Variants in RAB31 observed in about 807,000 individuals in gnomAD.
RAB31 encodes RAB31, member RAS oncogene family.
In RAB31, 21 loss-of-function variants were observed where a neutral mutation model predicts 25.6. That is an observed-to-expected ratio of 0.82 (90% confidence interval 0.58 to 1.18). The LOEUF (loss-of-function observed/expected upper bound fraction) is 1.18. Among genes scored for constraint, RAB31 ranks in the 50% most tolerant of loss-of-function variants. The pLI, the probability that RAB31 is intolerant of heterozygous loss-of-function variation, is 0.00. For missense variants in RAB31, 196 were observed against 250.1 expected (o/e 0.78, Z 1.46); for synonymous variants, 87 against 84.0 (o/e 1.04, Z -0.20).
At position 9,742,903 on chromosome 18, in the gene RAB31, T is replaced by TA. The variant is rs1196231581; in HGVS notation, c.40-32367dup. Among the ~76,000 whole-genome samples the TA allele has an allele frequency of 7.2e-5, 11 of 152,230 alleles. No individual in the cohort carries two copies. The South Asian group carries it at 1.9e-3, about 26-fold the overall frequency. On this transcript the variant is annotated intron_variant, in intron 1 of 6. Transcript: ENST00000578921. The stretch of plus-strand genomic sequence containing the variant: ...TTCTTCTTTTCCTTCTTCTTCTTTT[T>TA]AAAAAAAATCCAGTCCACTAAAGCA...
rs910983635 is a variant in RAB31, at chr18:9,845,710, G to A, written c.490+19G>A. On this transcript the variant is annotated intron_variant, in intron 6 of 6. Coordinates refer to ENST00000578921, the MANE Select transcript of RAB31 (RefSeq NM_006868.4). ...GGAATCAGTAAGTACCTGAAATTGG[G>A]TTTTCAGCCCAACTTGCATTTTTAT... The A allele has an allele frequency of 3.0e-5, 46 of 1,528,892 alleles. No homozygotes were observed. The highest frequency in any genetic ancestry group is 4.0e-5 in the Non-Finnish European group (46 of 1,139,530). 94.7% of individuals were successfully genotyped at this position (1,528,892 alleles called of 1,614,324 possible). A position where few individuals can be genotyped will look rare whatever the true frequency, so the allele number is the denominator to read the frequency against.
chr18:9,783,143 C>T (rs890036361), intron 2 of RAB31, among the ~76,000 whole-genome samples: 1 of 152,150 alleles, frequency 6.6e-6, no homozygotes, highest in Non-Finnish European at 1.5e-5. Context: ...CCTCACAGCT[C>T]ACTGTGAACC....
intron 1 of RAB31, among the ~76,000 whole-genome samples, chr18:9,762,803 C>T (rs1014225147): frequency 3.3e-5 from 5 of 152,018 alleles, no homozygotes; most frequent in Non-Finnish European, 7.4e-5. Flanking sequence ...GTGCGGGCTT[C>T]CTTAAGAGCT....
At chr18:9,836,388 T>A (rs1049840646) in intron 5 of RAB31, among the ~76,000 whole-genome samples, 1 of 151,728 alleles carries the variant, frequency 6.6e-6, no homozygotes, top group South Asian at 2.1e-4. Context: ...CTCTTCTTTT[T>A]ATTTTTATTT....
intron 1 of RAB31, among the ~76,000 whole-genome samples, chr18:9,768,027 T>C (rs1172779656): frequency 3.9e-5 from 6 of 152,192 alleles, no homozygotes; most frequent in African/African-American, 1.4e-4. Flanking sequence ...GCTTCATCCG[T>C]GTCCCTGCAA....
intron 3 of RAB31, among the ~76,000 whole-genome samples, chr18:9,812,488 A>G (rs1426320844): frequency 1.3e-5 from 2 of 152,216 alleles, no homozygotes; most frequent in East Asian, 3.8e-4. Flanking sequence ...AACACTGAAC[A>G]GCACAAATCT....
intron 2 of RAB31, among the ~76,000 whole-genome samples, chr18:9,788,140 G>C (rs1031745241): frequency 6.6e-6 from 1 of 152,100 alleles, no homozygotes; most frequent in Non-Finnish European, 1.5e-5. Context: ...CTTGAACTTT[G>C]AAATAAAAGG....
chr18:9,824,398 GTA>G (rs140040715), intron 5 of RAB31, among the ~76,000 whole-genome samples: 2 of 139,436 alleles, frequency 1.4e-5, no homozygotes, highest in African/African-American at 5.9e-5. Flanking sequence ...GTGTGTAGAT[GTA>G]TGTGTATATG....
At chr18:9,837,346 A>G (rs541220010) in intron 5 of RAB31, among the ~76,000 whole-genome samples, 1 of 152,382 alleles carries the variant, frequency 6.6e-6, no homozygotes, top group East Asian at 1.9e-4. Flanking sequence ...AAGGATTTAA[A>G]TGTAAAACAA....
At chr18:9,789,242 A>G (rs1352770810) in intron 2 of RAB31, among the ~76,000 whole-genome samples, 2 of 152,156 alleles carry the variant, frequency 1.3e-5, no homozygotes, top group Admixed American at 6.5e-5. Context: ...TGGGGGAGGG[A>G]AGGATAGGGA....
intron 1 of RAB31, among the ~76,000 whole-genome samples, chr18:9,713,416 C>T (rs978132129): frequency 1.3e-5 from 2 of 152,138 alleles, no homozygotes; most frequent in African/African-American, 4.8e-5. Context: ...GCATTGGTGA[C>T]TCTGGGTACG....
chr18:9,739,711 G>T (rs2145470946), intron 1 of RAB31, among the ~76,000 whole-genome samples: 1 of 152,296 alleles, frequency 6.6e-6, no homozygotes, highest in Admixed American at 6.5e-5. Flanking sequence ...CAGTCCTCCT[G>T]GTGGCTGGTT....
intron 1 of RAB31, among the ~76,000 whole-genome samples, chr18:9,767,527 TTTC>T (rs1392397235): frequency 6.6e-6 from 1 of 152,152 alleles, no homozygotes; most frequent in Non-Finnish European, 1.5e-5. Flanking sequence ...AGGACAGCCT[TTTC>T]TTCTCAGTGC....
At chr18:9,719,228 C>T (rs1296956871) in intron 1 of RAB31, among the ~76,000 whole-genome samples, 2 of 127,408 alleles carry the variant, frequency 1.6e-5, no homozygotes, top group Non-Finnish European at 3.1e-5. Flanking sequence ...CGAGATTGTG[C>T]CACTGTACTC....
intron 6 of RAB31, among the ~76,000 whole-genome samples, chr18:9,856,550 C>T (rs927263958): frequency 5.9e-5 from 9 of 152,166 alleles, no homozygotes; most frequent in Admixed American, 2.0e-4. Context: ...AAAGCTAATG[C>T]TGTTCTGCTA....
Position 9,845,603 on chromosome 18 carries a change from T to G in RAB31, c.402T>G (p.Ala134=). The G allele has an allele frequency of 6.4e-7, 1 of 1,557,570 alleles. No homozygotes were observed. Among genetic ancestry groups the G allele is most frequent in the Non-Finnish European group, 8.7e-7 (1 of 1,152,210 alleles). ...SDIREVPLKD[A]KEYAESIGAI... ...CCAGGGAGGTTCCCCTGAAGGATGC[T>G]AAGGAATACGCTGAATCCATAGGTG... The change falls in exon 6 of 7, where the codon GCT becomes GCG. Residue 134 remains alanine, a synonymous_variant. Transcript: ENST00000578921.
chr18:9,775,093 C>T (rs1162988655), intron 1 of RAB31, among the ~76,000 whole-genome samples, 185 bp from the exon 2 acceptor site: 1 of 152,116 alleles, frequency 6.6e-6, no homozygotes, highest in African/African-American at 2.4e-5. Context: ...TCTGTGAAAG[C>T]AATACAATTT....
intron 1 of RAB31, among the ~76,000 whole-genome samples, chr18:9,754,004 A>C (rs2068248293): frequency 6.6e-6 from 1 of 152,192 alleles, no homozygotes; most frequent in African/African-American, 2.4e-5. Flanking sequence ...TCCGGTGCCA[A>C]GTGCATCACC....
chr18:9,814,564 T>C (rs1469874967), intron 4 of RAB31: 3 of 158,316 alleles, frequency 1.9e-5, no homozygotes, highest in Non-Finnish European at 4.2e-5. Context: ...GATGACATTT[T>C]TTCCCACTCC....
Sources: allele counts gnomAD v4.1 joint callset (sites outside exome capture counted in the v4.1 genomes callset), GRCh38; gene constraint gnomAD v4.1.1; transcripts MANE v1.5; gene names NCBI Gene and HGNC (gene_info 2026-07-23, HGNC 2026-07-21).